Variants in ZNF862 observed in about 807,000 individuals in gnomAD.
The protein encoded by ZNF862 is zinc finger protein 862.
In ZNF862, 64 loss-of-function variants were observed where a neutral mutation model predicts 91.1. The ratio of observed to expected loss-of-function variants is 0.70; its 90% CI spans 0.57 to 0.87. The LOEUF (loss-of-function observed/expected upper bound fraction) is 0.87. Among genes scored for constraint, ZNF862 ranks in the 40% least tolerant of loss-of-function variants. ZNF862 has a pLI of 0.00. For missense variants in ZNF862, 1,459 were observed against 1,528.0 expected, an observed-to-expected ratio of 0.95 and a Z score of 0.75; for synonymous variants, 631 against 618.1, an observed-to-expected ratio of 1.02 and a Z score of -0.31.
At position 149,861,524 on chromosome 7, in the gene ZNF862, C is replaced by T; in HGVS notation, c.2364C>T (p.Arg788=). The T allele has an allele frequency of 6.2e-7, 1 of 1,607,496 alleles. No individual in the cohort carries two copies. The highest frequency in any genetic ancestry group is 1.1e-5 in the South Asian group (1 of 90,296). The change falls in exon 7 of 8, where the codon CGC becomes CGT. Residue 788 remains arginine, a synonymous_variant. Coordinates refer to ENST00000223210, the MANE Select transcript of ZNF862 (RefSeq NM_001099220.3). The surrounding 1 kb of genome is among the most constrained non-coding windows in gnomAD (Gnocchi z 6.7). ...IIRLKDLNAV[R]WVASRRRTLH... ...GCCTGAAGGATCTGAATGCGGTCCGCTGGGTGGCCAGCAGGAGGCGCACGC... is the reference window on the plus strand; with the variant it reads ...GCCTGAAGGATCTGAATGCGGTCCGTTGGGTGGCCAGCAGGAGGCGCACGC...
Position 149,838,573 on chromosome 7 carries a change from C to G in ZNF862, c.-39C>G. 1 of 1,209,316 alleles carries G rather than the reference C, an allele frequency of 8.3e-7. No homozygotes were observed. Among genetic ancestry groups the G allele is most frequent in the Non-Finnish European group, 1.0e-6 (1 of 966,936 alleles). The allele number at this position is 1,209,316 out of a possible 1,614,324, so 74.9% of individuals were successfully genotyped here. A position where few individuals can be genotyped will look rare whatever the true frequency, so the allele number is the denominator to read the frequency against. On this transcript the variant is annotated 5_prime_UTR_variant, in exon 1 of 8. Coordinates refer to ENST00000223210, the MANE Select transcript of ZNF862 (RefSeq NM_001099220.3). ...GCGGCTGCATCCTCAGGCCAGGCCG[C>G]GGGGGGAGGGGGCGGCACGGGCCTC...
intron 2 of ZNF862, 173 bp downstream of exon 2, chr7:149,844,909 C>G (rs1801820122): frequency 1.7e-6 from 1 of 573,758 alleles, no homozygotes; most frequent in African/African-American, 1.9e-5. Flanking sequence ...CAAATTCACA[C>G]ATCACCCTTT....
Position 149,860,779 on chromosome 7 carries a change from A to AC in ZNF862, c.1620dup (p.Thr541HisfsTer34). ...GTTGAAATCAAGGAAGACACCCCTCACACTGCCCTCGTTCCAGAGATCTCC... is the reference window on the plus strand; with the variant it reads ...GTTGAAATCAAGGAAGACACCCCTCACCACTGCCCTCGTTCCAGAGATCTCC... On this transcript the variant is annotated frameshift_variant, in exon 7 of 8. Transcript: ENST00000223210. LOFTEE classifies it high-confidence loss of function. The AC allele has an allele frequency of 6.2e-7, 1 of 1,613,882 alleles. No homozygotes were observed. Among genetic ancestry groups the AC allele is most frequent in the Non-Finnish European group, 8.5e-7 (1 of 1,179,888 alleles).
intron 5 of ZNF862, among the ~76,000 whole-genome samples, chr7:149,857,888 A>G (rs568329170): frequency 2.5e-4 from 38 of 152,240 alleles, no homozygotes; most frequent in African/African-American, 7.9e-4. Flanking sequence ...TGGTCCATAG[A>G]CATGACTCGA....
chr7:149,838,722 G>A, intron 1 of ZNF862, 87 bp downstream of exon 1: 1 of 911,406 alleles, frequency 1.1e-6, no homozygotes, highest in Non-Finnish European at 1.4e-6. Context: ...TCGGGCGGAG[G>A]CCCCGCAGAT....
chr7:149,858,854 T>TCACCTTCACAAA (rs1219327604), intron 5 of ZNF862: 2 of 121,884 alleles, frequency 1.6e-5, no homozygotes, highest in African/African-American at 6.4e-5. Flanking sequence ...AGGCCAGCTG[T>TCACCTTCACAAA]GGGGGCAGAG....
At chr7:149,862,896 A>G (rs1433231636) in intron 7 of ZNF862, among the ~76,000 whole-genome samples, 1 of 152,234 alleles carries the variant, frequency 6.6e-6, no homozygotes, top group Non-Finnish European at 1.5e-5. Flanking sequence ...GTTAAAGGTC[A>G]AGACCACTGC....
At chr7:149,859,619 G>T in intron 6 of ZNF862, 93 bp downstream of exon 6, 1 of 1,054,950 alleles carries the variant, frequency 9.5e-7, no homozygotes. Flanking sequence ...GTGCTCATCT[G>T]ATGGGGGCCG....
At chr7:149,859,730 C>G in intron 6 of ZNF862, 1 of 549,420 alleles carries the variant, frequency 1.8e-6, no homozygotes, top group Non-Finnish European at 3.2e-6. Flanking sequence ...AGGGAAAAAA[C>G]AGGTCCTTTT....
chr7:149,839,108 G>C (rs954603736), intron 1 of ZNF862, among the ~76,000 whole-genome samples: 1 of 152,230 alleles, frequency 6.6e-6, no homozygotes, highest in African/African-American at 2.4e-5. Flanking sequence ...CTGTTTCTAG[G>C]TTATGTACTT....
At chr7:149,854,309 C>T (rs934373827) in intron 5 of ZNF862, among the ~76,000 whole-genome samples, 3 of 152,102 alleles carry the variant, frequency 2.0e-5, no homozygotes, top group Non-Finnish European at 4.4e-5. Context: ...AAAAAAAAGA[C>T]AGAGAAAGGC....
In ZNF862 at chr7:149,850,292, G is replaced by A. The variant is rs201083515; in HGVS notation, c.1071G>A (p.Leu357=). Reference sequence around the variant, plus strand: ...TGCTAGACAAGCGGCAGAAGGAGCTGTACAGAGACGTGATGCGGATGAACT... The same window carrying A: ...TGCTAGACAAGCGGCAGAAGGAGCTATACAGAGACGTGATGCGGATGAACT... ...WGMLDKRQKE[L]YRDVMRMNYE... The change falls in exon 5 of 8, where the codon CTG becomes CTA. Residue 357 remains leucine, a synonymous_variant. Coordinates refer to ENST00000223210, the MANE Select transcript of ZNF862 (RefSeq NM_001099220.3). The surrounding 1 kb of genome is among the most constrained non-coding windows in gnomAD (Gnocchi z 4.2). The A allele has an allele frequency of 2.2e-5, 36 of 1,613,650 alleles. No individual in the cohort carries two copies. In the East Asian group the frequency reaches 7.6e-4, roughly 34 times the overall value.
intron 1 of ZNF862, among the ~76,000 whole-genome samples, chr7:149,840,702 A>C (rs1241539237): frequency 1.3e-5 from 2 of 151,362 alleles, no homozygotes; most frequent in East Asian, 3.9e-4. Flanking sequence ...GCAAATACTT[A>C]CCATGTGTTA....
intron 5 of ZNF862, 68 bp from the exon 6 acceptor site, chr7:149,859,354 T>C (rs1315349702): frequency 7.4e-7 from 1 of 1,348,784 alleles, no homozygotes; most frequent in Admixed American, 2.0e-5. Flanking sequence ...GGACTGGGTC[T>C]AGCTTGAGGG....
Position 149,866,381 on chromosome 7 carries a change from T to G in ZNF862, c.*2097T>G, listed in dbSNP as rs964721039. The stretch of plus-strand genomic sequence containing the variant: ...CTCGTGGAAAGGGAGGGAGAAAGGC[T>G]TTTTTAGGTGGGGCTATAGCCTCTG... On this transcript the variant is annotated 3_prime_UTR_variant, in exon 8 of 8. Transcript: ENST00000223210. 5 of 152,254 alleles carry G rather than the reference T, an allele frequency of 3.3e-5. No homozygotes were observed. The highest frequency in any genetic ancestry group is 1.2e-4 in the African/African-American group (5 of 41,454). The allele number at this position is 152,254 out of a possible 1,614,324, so 9.4% of individuals were successfully genotyped here.
At chr7:149,852,591 A>G (rs1489746502) in intron 5 of ZNF862, 1 of 152,188 alleles carries the variant, frequency 6.6e-6, no homozygotes, top group Non-Finnish European at 1.5e-5. Context: ...GCTGGTCTCA[A>G]ACTGCTGGAC....
chr7:149,854,323 C>A (rs1802180529), intron 5 of ZNF862, among the ~76,000 whole-genome samples: 1 of 152,154 alleles, frequency 6.6e-6, no homozygotes, highest in Admixed American at 6.5e-5. Context: ...GAAAGGCTGG[C>A]AAACTACCTC....
Position 149,861,773 on chromosome 7 carries a change from G to A in ZNF862, c.2613G>A (p.Thr871=), listed in dbSNP as rs373213272. 37 of 1,613,608 alleles carry A rather than the reference G, an allele frequency of 2.3e-5. No individual in the cohort carries two copies. The African/African-American group carries it at 2.7e-4, about 12-fold the overall frequency. The stretch of plus-strand genomic sequence containing the variant: ...TGCTGATTACAGAGGTGAACGCCAC[G>A]CTGGGCCGCGCCTACGTGGCACTGG... ...EIVLITEVNA[T]LGRAYVALES... The change falls in exon 7 of 8, where the codon ACG becomes ACA. Residue 871 remains threonine (T), a synonymous_variant. Coordinates refer to ENST00000223210, the MANE Select transcript of ZNF862 (RefSeq NM_001099220.3). This position sits in a 1 kb window ranked among gnomAD's most constrained non-coding sequence, Gnocchi z 6.7.
chr7:149,848,490 A>C, intron 4 of ZNF862, 58 bp downstream of exon 4: 1 of 1,308,968 alleles, frequency 7.6e-7, no homozygotes, highest in Non-Finnish European at 1.0e-6. Context: ...ACTGAGAACG[A>C]TGTATATCCA....
Sources: gnomAD v4.1 joint callset for allele counts (sites outside exome capture counted in the v4.1 genomes callset) on GRCh38, gnomAD v4.1.1 for gene constraint, Gnocchi (gnomAD v3.1) non-coding constraint, MANE v1.5 for transcripts, NCBI Gene and HGNC (gene_info 2026-07-23, HGNC 2026-07-21) for gene names.